The following ITIH5 variants were observed in gnomAD, a reference collection of about 807,000 sequenced individuals.
ITIH5 encodes the protein inter-alpha-trypsin inhibitor heavy chain H5.
A neutral mutation model predicts 77.5 loss-of-function variants in ITIH5; 65 were observed. The ratio of observed to expected loss-of-function variants is 0.84; its 90% CI spans 0.69 to 1.03. ITIH5 has a LOEUF of 1.03. ITIH5 is among the 50% of genes least tolerant of loss of function. The pLI, the probability that ITIH5 is intolerant of heterozygous loss-of-function variation, is 0.00. For synonymous variants in ITIH5, 525 were observed against 494.3 expected (o/e 1.06, Z -0.82); for missense variants, 1,208 against 1,213.1 (o/e 1.00, Z 0.06).
chr10:7,588,539 G>A (rs1014745614), intron 7 of ITIH5, among the ~76,000 whole-genome samples: 4 of 152,122 alleles, frequency 2.6e-5, no homozygotes, highest in Non-Finnish European at 5.9e-5. Flanking sequence ...AAACACATCT[G>A]CACATTATAT....
intron 2 of ITIH5, among the ~76,000 whole-genome samples, chr10:7,644,211 C>G (rs1053367354): frequency 4.6e-5 from 7 of 150,774 alleles, no homozygotes; most frequent in Non-Finnish European, 1.0e-4. Context: ...GCACTTCAGC[C>G]TGGGTGACAG....
intron 5 of ITIH5, among the ~76,000 whole-genome samples, chr10:7,632,763 G>A (rs1354932445): frequency 6.6e-6 from 1 of 152,192 alleles, no homozygotes; most frequent in Non-Finnish European, 1.5e-5. Flanking sequence ...TTACTAGAGA[G>A]TATAGTCAGG....
In ITIH5 at chr10:7,653,679, T is replaced by C. The variant is rs113358868; in HGVS notation, c.135+1952A>G. Reference sequence around the variant, plus strand: ...TTTAGTAAATTATAATACATATAAATACAGATTTAAATACATATAACTGAG... The same window carrying C: ...TTTAGTAAATTATAATACATATAAACACAGATTTAAATACATATAACTGAG... On this transcript the variant is annotated intron_variant, in intron 2 of 13. Coordinates refer to ENST00000397146, the MANE Select transcript of ITIH5 (RefSeq NM_030569.7). Among the ~76,000 whole-genome samples, 482 of 152,286 alleles carry C rather than the reference T, an allele frequency of 3.2e-3. 3 individuals carry two copies. Among genetic ancestry groups the C allele is most frequent in the African/African-American group, 0.011 (442 of 41,556 alleles).
rs752162414 is a variant in ITIH5, at chr10:7,576,633, G to A, written c.1798C>T (p.Arg600Trp). The change falls in exon 10 of 14, where the codon CGG becomes TGG. Residue 600 changes from arginine (R) to tryptophan (W), a missense_variant. Arg to Trp is a moderately radical substitution (Grantham distance 101). Coordinates refer to ENST00000397146, the MANE Select transcript of ITIH5 (RefSeq NM_030569.7). ...AGGGCCTGGGCCCGCTGCCGCAGCC[G>A]CTCCTTCTCCGGTTCATCGTCACTT... The part of the protein sequence containing the change: ...LQSDDEPEKE[R>W]LRQRAQALAV... 31 of 1,614,038 alleles carry A rather than the reference G, an allele frequency of 1.9e-5. No homozygotes were observed. Among genetic ancestry groups the A allele is most frequent in the Admixed American group, 1.0e-4 (6 of 60,008 alleles).
chr10:7,593,768 A>G (rs1184307143), intron 7 of ITIH5, among the ~76,000 whole-genome samples: 6 of 131,138 alleles, frequency 4.6e-5, no homozygotes, highest in Admixed American at 1.5e-4. Context: ...ACTCATCCCT[A>G]CAGACTGCAG....
chr10:7,564,939 C>T lies in ITIH5; in HGVS notation c.2527+1091G>A, dbSNP rs903445713. ...TGTATATATATATATATACACACAC[C>T]ATACATACACAGACTGTATACATAC... On this transcript the variant is annotated intron_variant, in intron 13 of 13. Transcript: ENST00000397146. 9.4e-4 allele frequency among the ~76,000 whole-genome samples: 136 copies of T among 144,058 alleles called. 1 individual carries two copies. Among genetic ancestry groups the T allele is most frequent in the African/African-American group, 3.4e-3 (132 of 38,672 alleles). The allele number at this position is 144,058 out of a possible 152,430, so 94.5% of individuals were successfully genotyped here.
chr10:7,654,054 G>A (rs1834142748), intron 2 of ITIH5, among the ~76,000 whole-genome samples: 1 of 152,192 alleles, frequency 6.6e-6, no homozygotes, highest in Non-Finnish European at 1.5e-5. Flanking sequence ...CTACTCAGGA[G>A]GCTGAGGCAG....
chr10:7,658,732 T>C (rs1235730247), intron 1 of ITIH5, among the ~76,000 whole-genome samples: 1 of 152,208 alleles, frequency 6.6e-6, no homozygotes, highest in East Asian at 1.9e-4. Flanking sequence ...GAAAGAGTTA[T>C]TATCAATAGA....
At chr10:7,633,286 A>G (rs1281903718) in intron 5 of ITIH5, among the ~76,000 whole-genome samples, 3 of 152,318 alleles carry the variant, frequency 2.0e-5, no homozygotes, top group South Asian at 4.1e-4. Context: ...AGAAATTATA[A>G]TGTTTCATCT....
chr10:7,589,619 G>A (rs1035633863), intron 7 of ITIH5, among the ~76,000 whole-genome samples: 11 of 151,718 alleles, frequency 7.3e-5, no homozygotes, highest in Non-Finnish European at 1.5e-4. Flanking sequence ...CCCAGGGCTC[G>A]GAGACCTCCA....
chr10:7,623,802 CAAAAAAAA>C (rs55790282), intron 5 of ITIH5, among the ~76,000 whole-genome samples: 1 of 80,368 alleles, frequency 1.2e-5, no homozygotes, highest in African/African-American at 4.9e-5. Context: ...GACTCCATCT[CAAAAAAAA>C]AAAAAAAAAA....
Position 7,561,928 on chromosome 10 carries a change from G to A in ITIH5, c.*1155C>T, listed in dbSNP as rs1463085159. 8 of 152,154 alleles carry A rather than the reference G, an allele frequency of 5.3e-5. No homozygotes were observed. The highest frequency in any genetic ancestry group is 1.9e-4 in the East Asian group (1 of 5,182). The allele number at this position is 152,154 out of a possible 1,614,324, so 9.4% of individuals were successfully genotyped here. ...CGGTATCCGTCCGCTGAAGGGTGAC[G>A]TTCATTGACTCTGGAAGTCCCCTCT... On this transcript the variant is annotated 3_prime_UTR_variant, in exon 14 of 14. Transcript: ENST00000397146.
intron 2 of ITIH5, among the ~76,000 whole-genome samples, chr10:7,645,613 C>T (rs117737081): frequency 6.6e-6 from 1 of 152,192 alleles, no homozygotes; most frequent in South Asian, 2.1e-4. Context: ...CATCTGTGAT[C>T]CACAGATTTA....
At chr10:7,646,470 T>C (rs1042900914) in intron 2 of ITIH5, among the ~76,000 whole-genome samples, 1 of 152,252 alleles carries the variant, frequency 6.6e-6, no homozygotes, top group Non-Finnish European at 1.5e-5. Context: ...AGTGATATAG[T>C]TAGTTCATCT....
At chr10:7,579,717 C>T in intron 9 of ITIH5, 38 bp downstream of exon 9, 1 of 1,597,594 alleles carries the variant, frequency 6.3e-7, no homozygotes. Flanking sequence ...CTCAGCCCCT[C>T]AAACAGCCTC....
At chr10:7,661,698 T>TG (rs775859027) in intron 1 of ITIH5, among the ~76,000 whole-genome samples, 2 of 152,210 alleles carry the variant, frequency 1.3e-5, no homozygotes, top group African/African-American at 2.4e-5. Context: ...TCCAGAAAGA[T>TG]TGTTTTTTAA....
chr10:7,651,440 G>A (rs189407146), intron 2 of ITIH5, among the ~76,000 whole-genome samples: 9 of 151,972 alleles, frequency 5.9e-5, no homozygotes, highest in East Asian at 1.9e-4. Context: ...AAAATTAGCC[G>A]AGCGCGATGA....
chr10:7,611,157 C>A (rs1330326033), intron 7 of ITIH5, among the ~76,000 whole-genome samples: 1 of 152,244 alleles, frequency 6.6e-6, no homozygotes, highest in Admixed American at 6.5e-5. Context: ...GACTTCAGAC[C>A]TGGGAGTAAA....
intron 2 of ITIH5, among the ~76,000 whole-genome samples, chr10:7,650,178 G>A (rs1588428301): frequency 6.6e-6 from 1 of 152,214 alleles, no homozygotes. Context: ...GATGCCATCT[G>A]GAAATGTGGT....
Sources: gnomAD v4.1 joint callset for allele counts (sites outside exome capture counted in the v4.1 genomes callset) on GRCh38, gnomAD v4.1.1 for gene constraint, MANE v1.5 for transcripts, NCBI Gene and HGNC (gene_info 2026-07-23, HGNC 2026-07-21) for gene names.